ADAMTS18: variants seen among roughly 807,000 people sequenced by gnomAD.
ADAMTS18 encodes the protein ADAM metallopeptidase with thrombospondin type 1 motif 18.
ADAMTS18 carries 157 observed loss-of-function variants against 165.9 expected under a neutral mutation model. That is an observed-to-expected ratio of 0.95 (90% CI 0.83 to 1.08). ADAMTS18 has a LOEUF of 1.08. Among genes scored for constraint, ADAMTS18 ranks in the 50% least tolerant of loss-of-function variants. The probability of loss-of-function intolerance (pLI) is 0.00; values close to 1 mark genes in which losing one functional copy is unlikely to be tolerated. For synonymous variants in ADAMTS18, 782 were observed against 578.2 expected (o/e 1.35, Z -5.06); for missense variants, 2,040 against 1,534.0 (o/e 1.33, Z -5.51).
intron 3 of ADAMTS18, among the ~76,000 whole-genome samples, chr16:77,403,262 T>C (rs1377327809): frequency 3.3e-5 from 5 of 152,214 alleles, no homozygotes; most frequent in African/African-American, 9.6e-5. Flanking sequence ...TTTTTATCCT[T>C]AGGCTAATTG....
At chr16:77,319,759 C>A in intron 16 of ADAMTS18, 90 bp downstream of exon 16, 3 of 1,601,456 alleles carry the variant, frequency 1.9e-6, no homozygotes, top group Non-Finnish European at 2.6e-6. Flanking sequence ...CACCTTTGAA[C>A]TAGAAGGACT....
At chr16:77,291,597 A>C in intron 20 of ADAMTS18, 119 bp from the exon 21 acceptor site, 2 of 1,006,612 alleles carry the variant, frequency 2.0e-6, no homozygotes. Flanking sequence ...GGATTACACA[A>C]GGTCAACCAC....
Position 77,362,238 on chromosome 16 carries a change from T to C in ADAMTS18, c.1083A>G (p.Ala361=), listed in dbSNP as rs776173160. The change falls in exon 7 of 23, where the codon GCA becomes GCG. Residue 361 remains alanine, a synonymous_variant. Coordinates refer to ENST00000282849, the MANE Select transcript of ADAMTS18 (RefSeq NM_199355.4). ...GACAAAAACTATTCAGAGACTGGTC[T>C]GCATGATGGTTGATCAATAATCCTC... is the stretch of plus-strand genomic sequence containing the variant. ...EPGGLLINHH[A]DQSLNSFCQW... 28 of 1,614,184 alleles carry C rather than the reference T, an allele frequency of 1.7e-5. No homozygotes were observed. In the South Asian group the frequency reaches 2.3e-4, roughly 13 times the overall value.
chr16:77,402,740 C>A (rs1203013279), intron 3 of ADAMTS18, among the ~76,000 whole-genome samples: 4 of 152,164 alleles, frequency 2.6e-5, no homozygotes. Context: ...GCACTGTTGG[C>A]CTCCAAAAAG....
At chr16:77,332,486 T>C (rs2056205547) in intron 12 of ADAMTS18, among the ~76,000 whole-genome samples, 1 of 152,152 alleles carries the variant, frequency 6.6e-6, no homozygotes, top group South Asian at 2.1e-4. Flanking sequence ...TTTCTAATCC[T>C]CCTCCAACCT....
Position 77,319,988 on chromosome 16 carries a change from T to C in ADAMTS18, c.2393A>G (p.Tyr798Cys). Residue 798 changes from tyrosine to cysteine, a missense_variant, in exon 16 of 23, where the codon TAT becomes TGT. Transcript: ENST00000282849. The stretch of plus-strand genomic sequence containing the variant: ...GATGCTCCAGCCCCCGGTGAGGTAA[T>C]ACTTTTGACTGAGGCTTCGAACTGC... ...YLAVRSLSQKYYLTGGWSIDW... is the reference protein window; with the variant it reads ...YLAVRSLSQKCYLTGGWSIDW... 2 of 1,614,120 alleles carry C rather than the reference T, an allele frequency of 1.2e-6. No homozygotes were observed. Among genetic ancestry groups the C allele is most frequent in the Non-Finnish European group, 1.7e-6 (2 of 1,180,016 alleles).
chr16:77,390,799 A>G (rs1378731114), intron 3 of ADAMTS18, among the ~76,000 whole-genome samples: 1 of 152,126 alleles, frequency 6.6e-6, no homozygotes, highest in Non-Finnish European at 1.5e-5. Flanking sequence ...GTCACTACCC[A>G]TATGTGGTTA....
chr16:77,287,714 CA>C (rs1401823334), intron 22 of ADAMTS18, among the ~76,000 whole-genome samples: 4 of 152,058 alleles, frequency 2.6e-5, no homozygotes, highest in African/African-American at 9.7e-5. Flanking sequence ...TCAGGTGATC[CA>C]CCCGCCTCAG....
At chr16:77,376,842 T>A (rs2056961222) in intron 3 of ADAMTS18, among the ~76,000 whole-genome samples, 2 of 122,524 alleles carry the variant, frequency 1.6e-5, no homozygotes, top group Non-Finnish European at 3.3e-5. Context: ...TGAGACAGGG[T>A]CTCCCTGCAA....
At chr16:77,299,492 A>C (rs1475416731) in intron 17 of ADAMTS18, among the ~76,000 whole-genome samples, 1 of 152,150 alleles carries the variant, frequency 6.6e-6, no homozygotes, top group Non-Finnish European at 1.5e-5. Context: ...CTCTGATTCT[A>C]AGCCTTATTA....
At position 77,362,231 on chromosome 16, in the gene ADAMTS18, A is replaced by T; in HGVS notation, c.1090T>A (p.Ser364Thr). Residue 364 changes from serine (S) to threonine (T), a missense_variant, in exon 7 of 23, where the codon TCT becomes ACT. Coordinates refer to ENST00000282849, the MANE Select transcript of ADAMTS18 (RefSeq NM_199355.4). ...TGCCATTGACAAAAACTATTCAGAG[A>T]CTGGTCTGCATGATGGTTGATCAAT... The part of the protein sequence containing the change: ...GLLINHHADQ[S>T]LNSFCQWQSA... 6.2e-7 allele frequency: 1 copy of T among 1,614,178 alleles called. No homozygotes were observed.
In ADAMTS18 at chr16:77,364,235, G is replaced by A. The variant is rs1422244103; in HGVS notation, c.925C>T (p.His309Tyr). The A allele has an allele frequency of 6.2e-7, 1 of 1,613,978 alleles. No individual in the cohort carries two copies. The highest frequency in any genetic ancestry group is 1.3e-5 in the African/African-American group (1 of 74,978). Residue 309 changes from histidine (H) to tyrosine (Y), a missense_variant, in exon 5 of 23, where the codon CAT (histidine) becomes TAT (tyrosine). His to Tyr is a moderately conservative substitution (Grantham distance 83, BLOSUM62 2). Coordinates refer to ENST00000282849, the MANE Select transcript of ADAMTS18 (RefSeq NM_199355.4). Reference protein sequence around the residue: ...VVADKKMVEKHGKGNVTTYIL... With the variant: ...VVADKKMVEKYGKGNVTTYIL... ...TATGTGGTGACATTTCCCTTGCCAT[G>A]CTTTTCCACCATTTTCTTGTCTGCC... is the stretch of plus-strand genomic sequence containing the variant.
Position 77,432,770 on chromosome 16 carries a change from T to TAAA in ADAMTS18, c.179-1162_179-1160dup, listed in dbSNP as rs398042239. Among the ~76,000 whole-genome samples, 210 of 144,388 alleles carry TAAA rather than the reference T, an allele frequency of 1.5e-3. 1 individual carries two copies. Among genetic ancestry groups the TAAA allele is most frequent in the South Asian group, 2.2e-3 (10 of 4,594 alleles). 94.7% of individuals were successfully genotyped at this position (144,388 alleles called of 152,430 possible). A position where few individuals can be genotyped will look rare whatever the true frequency, so the allele number is the denominator to read the frequency against. ...GTCAACAACCTTCCCCCTCCTCCAA[T>TAAA]AAAAAAAAAAAAACTAAGGAATAGT... On this transcript the variant is annotated intron_variant, in intron 2 of 22. Coordinates refer to ENST00000282849, the MANE Select transcript of ADAMTS18 (RefSeq NM_199355.4).
rs781489486 is a variant in ADAMTS18, at chr16:77,291,333, CGGTTGCA to C, written c.3328_3334del (p.Cys1110AspfsTer13). The C allele has an allele frequency of 6.2e-7, 1 of 1,614,196 alleles. No individual in the cohort carries two copies. Among genetic ancestry groups the C allele is most frequent in the Non-Finnish European group, 8.5e-7 (1 of 1,180,026 alleles). ...CACTGGATGGGCTGGGCAAGCCCGT[CGGTTGCA>C]GGTCTCTTCCAAGTCCAGATTTGGT... On this transcript the variant is annotated frameshift_variant, in exon 21 of 23. Coordinates refer to ENST00000282849, the MANE Select transcript of ADAMTS18 (RefSeq NM_199355.4). LOFTEE classifies it high-confidence loss of function.
intron 3 of ADAMTS18, among the ~76,000 whole-genome samples, chr16:77,426,906 TG>T (rs988925920): frequency 3.9e-5 from 6 of 152,056 alleles, no homozygotes; most frequent in Non-Finnish European, 7.4e-5. Flanking sequence ...CCCAGCTACT[TG>T]GGGGGCTGAG....
At chr16:77,398,713 G>C (rs567345937) in intron 3 of ADAMTS18, among the ~76,000 whole-genome samples, 14 of 152,222 alleles carry the variant, frequency 9.2e-5, no homozygotes, top group African/African-American at 3.1e-4. Flanking sequence ...GATGACCTTA[G>C]TACACACCCC....
intron 3 of ADAMTS18, among the ~76,000 whole-genome samples, chr16:77,389,968 C>T (rs1199578789): frequency 6.6e-6 from 1 of 152,134 alleles, no homozygotes. Flanking sequence ...TGATGTTCAG[C>T]CAACACTGAA....
Position 77,314,779 on chromosome 16 carries a change from TATATATAAAA to T in ADAMTS18, c.2532+5060_2532+5069del, listed in dbSNP as rs1208806024. 5.7e-5 allele frequency among the ~76,000 whole-genome samples: 5 copies of T among 88,334 alleles called. 1 individual carries two copies. Among genetic ancestry groups the T allele is most frequent in the African/African-American group, 2.2e-4 (5 of 22,680 alleles). 58.0% of individuals were successfully genotyped at this position (88,334 alleles called of 152,430 possible). ...ATATATATATATATATATATATATA[TATATATAAAA>T]TATATGTGATATGCTCAGAAGGCAA... On this transcript the variant is annotated intron_variant, in intron 16 of 22. Transcript: ENST00000282849.
chr16:77,423,554 T>C (rs2057631543), intron 3 of ADAMTS18, among the ~76,000 whole-genome samples: 1 of 152,142 alleles, frequency 6.6e-6, no homozygotes, highest in Admixed American at 6.6e-5. Flanking sequence ...TATCCTCGAC[T>C]TATCAATGAA....
Sources: gnomAD v4.1 joint callset for allele counts (sites outside exome capture counted in the v4.1 genomes callset) on GRCh38, gnomAD v4.1.1 for gene constraint, MANE v1.5 for transcripts, NCBI Gene and HGNC (gene_info 2026-07-23, HGNC 2026-07-21) for gene names.